The following GALNT13 variants were observed in gnomAD, a reference collection of about 807,000 sequenced individuals.
The protein encoded by GALNT13 is UDP-GalNAc:polypeptide N-acetylgalactosaminyltransferase 13.
A neutral mutation model predicts 64.2 loss-of-function variants in GALNT13; 28 were observed. The ratio of observed to expected loss-of-function variants is 0.44; its 90% CI spans 0.32 to 0.60. GALNT13 has a LOEUF of 0.60. Among genes scored for constraint, GALNT13 ranks in the 20% least tolerant of loss-of-function variants. The probability of loss-of-function intolerance (pLI) is 0.05; values close to 1 mark genes in which losing one functional copy is unlikely to be tolerated. For synonymous variants in GALNT13, 214 were observed against 224.6 expected (o/e 0.95, Z 0.42); for missense variants, 577 against 669.8 (o/e 0.86, Z 1.53).
At chr2:153,279,461 G>T in the GALNT13 span, among the ~76,000 whole-genome samples, 9 of 152,072 alleles carry the variant, frequency 5.9e-5, no homozygotes, top group African/African-American at 2.2e-4. Context: ...AATGCTTTCA[G>T]GTTTTGCCTG....
chr2:153,363,025 A>G, the GALNT13 span, among the ~76,000 whole-genome samples: 3 of 152,180 alleles, frequency 2.0e-5, no homozygotes, highest in African/African-American at 7.2e-5. Context: ...TGAAATCATA[A>G]CAAACATTCT....
chr2:153,137,441 C>T, the GALNT13 span, among the ~76,000 whole-genome samples: 1 of 152,026 alleles, frequency 6.6e-6, no homozygotes, highest in Non-Finnish European at 1.5e-5. Flanking sequence ...CTCAAGTGAA[C>T]CTGAACCTGA....
the GALNT13 span, among the ~76,000 whole-genome samples, chr2:153,830,638 C>T: frequency 1.3e-5 from 2 of 151,902 alleles, no homozygotes; most frequent in African/African-American, 2.4e-5. Flanking sequence ...ACTGTTTGCT[C>T]CAATCTTTTG....
chr2:153,497,485 C>T, the GALNT13 span, among the ~76,000 whole-genome samples: 3 of 119,062 alleles, frequency 2.5e-5, no homozygotes, highest in African/African-American at 9.9e-5. Flanking sequence ...ACATTAAGTT[C>T]ATTAGCTACT....
At chr2:154,006,584 G>A (rs1024501933) in intron 3 of GALNT13, among the ~76,000 whole-genome samples, 8 of 152,042 alleles carry the variant, frequency 5.3e-5, no homozygotes, top group Non-Finnish European at 1.2e-4. Context: ...GCAAATTAGC[G>A]TTTTAATGAG....
chr2:154,155,696 C>A (rs763828887), intron 4 of GALNT13, among the ~76,000 whole-genome samples: 66 of 151,902 alleles, frequency 4.3e-4, no homozygotes, highest in Admixed American at 3.7e-3. Flanking sequence ...CATCAGCTTG[C>A]AAAGTCTCCC....
At chr2:153,975,357 C>T (rs1040597748) in intron 3 of GALNT13, among the ~76,000 whole-genome samples, 1 of 152,058 alleles carries the variant, frequency 6.6e-6, no homozygotes, top group Non-Finnish European at 1.5e-5. Flanking sequence ...TTCTAATATG[C>T]ATCCTGACCT....
intron 6 of GALNT13, among the ~76,000 whole-genome samples, chr2:154,244,079 C>T (rs1242277209): frequency 6.6e-6 from 1 of 151,754 alleles, no homozygotes; most frequent in East Asian, 1.9e-4. Flanking sequence ...AATTTCCTGG[C>T]AAATTTTGGT....
At chr2:153,242,567 A>G in the GALNT13 span, among the ~76,000 whole-genome samples, 6 of 152,352 alleles carry the variant, frequency 3.9e-5, no homozygotes, top group African/African-American at 1.4e-4. Flanking sequence ...AAGTCTGGTA[A>G]TAAGAGATTT....
chr2:153,082,519 A>G, the GALNT13 span, among the ~76,000 whole-genome samples: 1 of 141,652 alleles, frequency 7.1e-6, no homozygotes, highest in Non-Finnish European at 1.5e-5. Flanking sequence ...TCCACGGTGT[A>G]CACATACCAT....
the GALNT13 span, among the ~76,000 whole-genome samples, chr2:153,469,486 T>C: frequency 2.0e-5 from 3 of 152,224 alleles, no homozygotes; most frequent in South Asian, 6.2e-4. Context: ...GAAGGTAATT[T>C]TCCTCATCAG....
the GALNT13 span, among the ~76,000 whole-genome samples, chr2:153,316,182 T>TGGG: frequency 6.6e-6 from 1 of 151,226 alleles, no homozygotes; most frequent in South Asian, 2.1e-4. Flanking sequence ...GATGAGGATG[T>TGGG]GGGGCAATCA....
chr2:153,074,261 A>G, the GALNT13 span, among the ~76,000 whole-genome samples: 1 of 152,286 alleles, frequency 6.6e-6, no homozygotes, highest in African/African-American at 2.4e-5. Context: ...AGATACATTT[A>G]TGTACTCTGA....
At chr2:153,669,065 C>A in the GALNT13 span, among the ~76,000 whole-genome samples, 1 of 152,120 alleles carries the variant, frequency 6.6e-6, no homozygotes, top group Non-Finnish European at 1.5e-5. Flanking sequence ...GCAGTGAGGC[C>A]TCAGATGCCC....
At chr2:153,104,456 C>T in the GALNT13 span, among the ~76,000 whole-genome samples, 2 of 152,156 alleles carry the variant, frequency 1.3e-5, no homozygotes, top group Non-Finnish European at 2.9e-5. Context: ...CCTAGGCATA[C>T]ATACCCTCCT....
Position 153,981,682 on chromosome 2 carries a change from GA to G in GALNT13, c.142+37046del, listed in dbSNP as rs542274955. On this transcript the variant is annotated intron_variant, in intron 3 of 12. Coordinates refer to ENST00000392825, the MANE Select transcript of GALNT13 (RefSeq NM_052917.4). The stretch of plus-strand genomic sequence containing the variant: ...GAATAGTGCTGCGATATAGTTTCTA[GA>G]AACTATAGGCAAAAGTTGCTTAAAT... Among the ~76,000 whole-genome samples the G allele has an allele frequency of 9.9e-5, 15 of 152,104 alleles. No homozygotes were observed. In the South Asian group the frequency reaches 3.1e-3, roughly 32 times the overall value.
chr2:154,266,081 C>T (rs1402550414), intron 8 of GALNT13, among the ~76,000 whole-genome samples: 1 of 151,902 alleles, frequency 6.6e-6, no homozygotes, highest in Non-Finnish European at 1.5e-5. Flanking sequence ...AAAAAGAAAA[C>T]CAAAAACAAA....
At chr2:153,667,863 T>C in the GALNT13 span, among the ~76,000 whole-genome samples, 1 of 152,082 alleles carries the variant, frequency 6.6e-6, no homozygotes, top group Admixed American at 6.5e-5. Flanking sequence ...CTCAACTGTA[T>C]GCTGTCTTCA....
chr2:154,283,511 A>G (rs761549812), intron 8 of GALNT13, among the ~76,000 whole-genome samples: 1 of 151,628 alleles, frequency 6.6e-6, no homozygotes, highest in East Asian at 1.9e-4. Flanking sequence ...TTTTTACTAT[A>G]TATAAATTAT....
Sources: gnomAD v4.1 joint callset for allele counts (sites outside exome capture counted in the v4.1 genomes callset) on GRCh38, gnomAD v4.1.1 for gene constraint, MANE v1.5 for transcripts, NCBI Gene and HGNC (gene_info 2026-07-23, HGNC 2026-07-21) for gene names.